Variants in GIGYF2 observed in about 807,000 individuals in gnomAD.
GIGYF2 encodes GRB10-interacting GYF protein 2.
GIGYF2 carries 25 observed loss-of-function variants against 208.1 expected under a neutral mutation model. The observed-to-expected ratio is 0.12, with a 90% CI of 0.09 to 0.17. GIGYF2 has a LOEUF of 0.17. Ranked by LOEUF, GIGYF2 falls within the 10% of genes least tolerant of loss-of-function variation. GIGYF2 has a pLI of 1.00. For synonymous variants in GIGYF2, 534 were observed against 543.8 expected, an observed-to-expected ratio of 0.98 and a Z score of 0.25; for missense variants, 1,302 against 1,579.4, an observed-to-expected ratio of 0.82 and a Z score of 2.98.
chr2:232,802,668 C>T (rs1700432937), intron 14 of GIGYF2, among the ~76,000 whole-genome samples: 1 of 152,064 alleles, frequency 6.6e-6, no homozygotes, highest in South Asian at 2.1e-4. Context: ...AGAATTTTTG[C>T]ATCAGTGTTC....
At chr2:232,729,474 TAA>T in intron 2 of GIGYF2, 1 of 978,254 alleles carries the variant, frequency 1.0e-6, no homozygotes, top group Non-Finnish European at 1.4e-6. Context: ...TTTTTTTTTT[TAA>T]TTAACCTCTC....
chr2:232,753,973 G>A (rs1698431493), intron 5 of GIGYF2, among the ~76,000 whole-genome samples: 1 of 151,984 alleles, frequency 6.6e-6, no homozygotes, highest in Non-Finnish European at 1.5e-5. Context: ...AGACCATCCT[G>A]GCCAACACTG....
chr2:232,733,317 G>A (rs891236196), intron 2 of GIGYF2, among the ~76,000 whole-genome samples: 32 of 151,804 alleles, frequency 2.1e-4, no homozygotes, highest in African/African-American at 4.8e-4. Context: ...TTTTAGTCTG[G>A]TTTGCACCTT....
intron 5 of GIGYF2, among the ~76,000 whole-genome samples, chr2:232,752,965 A>G (rs372276604): frequency 1.3e-5 from 2 of 151,896 alleles, no homozygotes; most frequent in African/African-American, 2.4e-5. Flanking sequence ...AATAACCACT[A>G]TTTCCATTTT....
chr2:232,830,192 A>G (rs1701386328), intron 21 of GIGYF2, among the ~76,000 whole-genome samples: 2 of 152,126 alleles, frequency 1.3e-5, no homozygotes, highest in Non-Finnish European at 2.9e-5. Flanking sequence ...TGTATTGCCC[A>G]GTCTCATCTC....
chr2:232,706,909 G>A (rs1207305566), intron 2 of GIGYF2, among the ~76,000 whole-genome samples: 1 of 145,702 alleles, frequency 6.9e-6, no homozygotes, highest in Non-Finnish European at 1.5e-5. Flanking sequence ...TTGCACCACT[G>A]CATCCCTACC....
At chr2:232,760,150 A>G (rs531418480) in intron 6 of GIGYF2, 1 of 181,664 alleles carries the variant, frequency 5.5e-6, no homozygotes, top group East Asian at 1.4e-4. Flanking sequence ...AAAATATTTA[A>G]TCTACGGTAG....
chr2:232,707,975 T>G (rs1696205548), intron 2 of GIGYF2, among the ~76,000 whole-genome samples: 1 of 151,884 alleles, frequency 6.6e-6, no homozygotes, highest in Admixed American at 6.6e-5. Context: ...AAAAATATTT[T>G]TTTTGAGACA....
chr2:232,768,484 G>A (rs1553611175), intron 8 of GIGYF2: 1 of 1,614,188 alleles, frequency 6.2e-7, no homozygotes, highest in Non-Finnish European at 8.5e-7. Context: ...AATTCAAAGT[G>A]AGAAGGATTT....
At chr2:232,711,077 GTTTA>G (rs1364468810) in intron 2 of GIGYF2, among the ~76,000 whole-genome samples, 1 of 149,886 alleles carries the variant, frequency 6.7e-6, no homozygotes, top group Non-Finnish European at 1.5e-5. Flanking sequence ...TATGTTTTAA[GTTTA>G]TTTATGTGTT....
intron 2 of GIGYF2, among the ~76,000 whole-genome samples, chr2:232,712,070 C>T (rs370568615): frequency 1.1e-4 from 16 of 151,966 alleles, no homozygotes; most frequent in Admixed American, 6.6e-4. Context: ...CTCATGGTGA[C>T]GAATAGAAAC....
chr2:232,830,618 A>C (rs556406365), intron 21 of GIGYF2, among the ~76,000 whole-genome samples: 1 of 152,292 alleles, frequency 6.6e-6, no homozygotes, highest in East Asian at 1.9e-4. Context: ...TTATTAACTA[A>C]CATCCATTGT....
At chr2:232,768,248 G>A (rs1408988792) in intron 8 of GIGYF2, 1 of 1,613,758 alleles carries the variant, frequency 6.2e-7, no homozygotes, top group South Asian at 1.1e-5. Context: ...GTCCATTGAT[G>A]TGGATATCCA....
chr2:232,813,941 G>A (rs1700823366), intron 18 of GIGYF2, among the ~76,000 whole-genome samples: 1 of 131,358 alleles, frequency 7.6e-6, no homozygotes, highest in African/African-American at 2.9e-5. Flanking sequence ...AGGCTGGTGT[G>A]TAGTGGCACA....
intron 12 of GIGYF2, among the ~76,000 whole-genome samples, chr2:232,792,389 C>A (rs1408387088): frequency 6.6e-6 from 1 of 152,016 alleles, no homozygotes; most frequent in Non-Finnish European, 1.5e-5. Context: ...GAGCTCAAAC[C>A]CAGGAATTTT....
chr2:232,747,854 C>A, intron 4 of GIGYF2, 110 bp downstream of exon 4: 1 of 996,894 alleles, frequency 1.0e-6, no homozygotes, highest in Non-Finnish European at 1.5e-6. Flanking sequence ...TGACCCATGC[C>A]TTTCCACCTT....
intron 2 of GIGYF2, among the ~76,000 whole-genome samples, chr2:232,723,462 G>C (rs35285732): frequency 7.2e-6 from 1 of 139,062 alleles, no homozygotes; most frequent in Non-Finnish European, 1.5e-5. Context: ...ACAGAGTCTC[G>C]CTCTGTCACC....
rs373904585 is a variant in GIGYF2 at position 232,738,159 on chromosome 2, C to T, written c.41+2921C>T. Among the ~76,000 whole-genome samples the T allele has an allele frequency of 3.8e-4, 58 of 152,072 alleles. 1 individual carries two copies. The highest frequency in any genetic ancestry group is 6.3e-4 in the African/African-American group (26 of 41,488). On this transcript the variant is annotated intron_variant, in intron 3 of 28. Transcript: ENST00000373563. ...CTCGAACTCCTGACCTCAGGTGATC[C>T]GTCTACCTTGTCCTCCCAAAGTGCT... is the stretch of plus-strand genomic sequence containing the variant.
At chr2:232,757,172 A>G (rs920196272) in intron 6 of GIGYF2, among the ~76,000 whole-genome samples, 2 of 152,136 alleles carry the variant, frequency 1.3e-5, no homozygotes, top group Admixed American at 6.5e-5. Context: ...AGAGTAATTT[A>G]TCTACAGTCT....
Sources: allele counts gnomAD v4.1 joint callset (sites outside exome capture counted in the v4.1 genomes callset), GRCh38; gene constraint gnomAD v4.1.1; transcripts MANE v1.5; gene names NCBI Gene and HGNC (gene_info 2026-07-23, HGNC 2026-07-21).